CNTN1: variants seen among roughly 807,000 people sequenced by gnomAD.
The protein encoded by CNTN1 is contactin-1.
Under a neutral mutation model 126.4 loss-of-function variants are expected in CNTN1, and 38 were observed. That is an observed-to-expected ratio of 0.30 (90% confidence interval 0.23 to 0.39). The LOEUF (loss-of-function observed/expected upper bound fraction) is 0.39, where lower values mean the gene tolerates loss of function less well. CNTN1 is among the 10% of genes least tolerant of loss of function. The pLI is 1.00. For missense variants in CNTN1, 1,009 were observed against 1,248.4 expected (o/e 0.81, Z 2.89); for synonymous variants, 413 against 422.6 (o/e 0.98, Z 0.28).
At chr12:40,950,562 A>G (rs1946637261) in intron 14 of CNTN1, among the ~76,000 whole-genome samples, 1 of 152,172 alleles carries the variant, frequency 6.6e-6, no homozygotes, top group Non-Finnish European at 1.5e-5. Flanking sequence ...ATACAAAAGC[A>G]TTCGGCCAAT....
intron 3 of CNTN1, among the ~76,000 whole-genome samples, chr12:40,916,017 A>G (rs1276963875): frequency 6.6e-6 from 1 of 152,126 alleles, no homozygotes; most frequent in Non-Finnish European, 1.5e-5. Flanking sequence ...AATAACATTT[A>G]CATCATCACT....
intron 1 of CNTN1, among the ~76,000 whole-genome samples, chr12:40,761,524 A>C (rs775472001): frequency 6.6e-5 from 10 of 152,084 alleles, no homozygotes; most frequent in Non-Finnish European, 1.3e-4. Flanking sequence ...TGTGGCATTA[A>C]AACATATTTT....
intron 6 of CNTN1, among the ~76,000 whole-genome samples, chr12:40,928,363 G>A (rs1244154649): frequency 6.6e-6 from 1 of 151,844 alleles, no homozygotes; most frequent in East Asian, 1.9e-4. Context: ...TATCCCAGGA[G>A]CCCTCATTTA....
At chr12:40,765,165 A>T (rs1442853877) in intron 1 of CNTN1, among the ~76,000 whole-genome samples, 4 of 152,112 alleles carry the variant, frequency 2.6e-5, no homozygotes, top group Non-Finnish European at 5.9e-5. Flanking sequence ...TATGCAGAAT[A>T]TGGTAAATAA....
At chr12:40,996,129 C>G (rs1483522957) in intron 17 of CNTN1, among the ~76,000 whole-genome samples, 1 of 151,732 alleles carries the variant, frequency 6.6e-6, no homozygotes, top group Non-Finnish European at 1.5e-5. Flanking sequence ...ATTACTTAAC[C>G]TCTGAGCCTC....
At chr12:40,870,748 GCA>G (rs199709561) in intron 1 of CNTN1, among the ~76,000 whole-genome samples, 1 of 151,554 alleles carries the variant, frequency 6.6e-6, no homozygotes, top group Non-Finnish European at 1.5e-5. Context: ...ACACATGCAC[GCA>G]CACACACACA....
intron 1 of CNTN1, among the ~76,000 whole-genome samples, chr12:40,790,472 G>T (rs1450006384): frequency 2.0e-5 from 3 of 152,082 alleles, no homozygotes; most frequent in Non-Finnish European, 4.4e-5. Flanking sequence ...TAAATGAATA[G>T]GCACTAGGAA....
chr12:40,979,412 TA>T (rs1464836806), intron 15 of CNTN1, among the ~76,000 whole-genome samples: 13 of 152,038 alleles, frequency 8.6e-5, no homozygotes, highest in Admixed American at 7.9e-4. Flanking sequence ...CCATCTAAGC[TA>T]AGCAACCCAA....
At position 40,997,745 on chromosome 12, in the gene CNTN1, T is replaced by C. The variant is rs1191506060; in HGVS notation, c.2113+4476T>C. ...AGGGGATAATGCCAATTCTCCATGATGCTGATCTGGGTATCCAATTAGATG... is the reference window on the plus strand; with the variant it reads ...AGGGGATAATGCCAATTCTCCATGACGCTGATCTGGGTATCCAATTAGATG... On this transcript the variant is annotated intron_variant, in intron 17 of 23. Coordinates refer to ENST00000551295, the MANE Select transcript of CNTN1 (RefSeq NM_001843.4). Among the ~76,000 whole-genome samples, 3 of 152,216 alleles carry C rather than the reference T, an allele frequency of 2.0e-5. No individual in the cohort carries two copies. The East Asian group carries it at 5.8e-4, about 29-fold the overall frequency.
At chr12:40,719,517 G>A (rs183804320) in intron 1 of CNTN1, among the ~76,000 whole-genome samples, 6 of 152,276 alleles carry the variant, frequency 3.9e-5, no homozygotes, top group Non-Finnish European at 8.8e-5. Flanking sequence ...TGAAAGAAAA[G>A]AAGCAGTAGC....
Position 40,780,429 on chromosome 12 carries a change from A to T in CNTN1, c.-77+87837A>T, listed in dbSNP as rs554193252. Among the ~76,000 whole-genome samples, 14 of 152,050 alleles carry T rather than the reference A, an allele frequency of 9.2e-5. No individual in the cohort carries two copies. In the East Asian group the frequency reaches 2.7e-3, roughly 29 times the overall value. On this transcript the variant is annotated intron_variant, in intron 1 of 23. Coordinates refer to ENST00000551295, the MANE Select transcript of CNTN1 (RefSeq NM_001843.4). ...TGATCAATAATTTATTTAGTTAACA[A>T]CACTGTGGGCAGCTACAATATGGTT...
At chr12:40,778,645 C>T (rs764854557) in intron 1 of CNTN1, among the ~76,000 whole-genome samples, 3 of 151,590 alleles carry the variant, frequency 2.0e-5, no homozygotes, top group Admixed American at 1.3e-4. Flanking sequence ...GGCTTAAACA[C>T]GAACAATCCC....
intron 1 of CNTN1, among the ~76,000 whole-genome samples, chr12:40,820,385 G>T (rs1941407028): frequency 6.6e-6 from 1 of 152,220 alleles, no homozygotes; most frequent in South Asian, 2.1e-4. Context: ...AACCATAGCA[G>T]TGGCTCTGAT....
chr12:40,760,834 T>TGC (rs1045858124), intron 1 of CNTN1, among the ~76,000 whole-genome samples: 3 of 25,452 alleles, frequency 1.2e-4, no homozygotes, highest in Non-Finnish European at 3.1e-4. Flanking sequence ...TTCAAAATAA[T>TGC]GCACACACAC....
At chr12:41,027,752 T>A in intron 21 of CNTN1, 105 bp from the exon 22 acceptor site, 1 of 760,262 alleles carries the variant, frequency 1.3e-6, no homozygotes, top group Non-Finnish European at 2.4e-6. Context: ...TAAAACTAGA[T>A]GGTGGTGGTC....
chr12:40,698,566 C>G (rs1251956371), intron 1 of CNTN1, among the ~76,000 whole-genome samples: 1 of 152,082 alleles, frequency 6.6e-6, no homozygotes, highest in Non-Finnish European at 1.5e-5. Context: ...TTTTTTACAA[C>G]ATTGTTTTCT....
chr12:40,732,517 C>G (rs1486815137), intron 1 of CNTN1, among the ~76,000 whole-genome samples: 2 of 151,996 alleles, frequency 1.3e-5, no homozygotes, highest in Non-Finnish European at 2.9e-5. Flanking sequence ...TGCTGACAGT[C>G]TGCCAGGAAA....
chr12:40,928,067 A>G (rs552703833), intron 6 of CNTN1, among the ~76,000 whole-genome samples: 2 of 152,184 alleles, frequency 1.3e-5, no homozygotes, highest in Non-Finnish European at 2.9e-5. Flanking sequence ...CTCTAAATGC[A>G]TTTTGTGGGC....
chr12:41,011,641 C>T (rs1361495824), intron 17 of CNTN1, among the ~76,000 whole-genome samples: 2 of 152,182 alleles, frequency 1.3e-5, no homozygotes, highest in Non-Finnish European at 2.9e-5. Flanking sequence ...ACCCATGCAA[C>T]TCTAGTCCTC....
Sources: allele counts gnomAD v4.1 joint callset (sites outside exome capture counted in the v4.1 genomes callset), GRCh38; gene constraint gnomAD v4.1.1; transcripts MANE v1.5; gene names NCBI Gene and HGNC (gene_info 2026-07-23, HGNC 2026-07-21).